Variants in GCLM observed in about 807,000 individuals in gnomAD.
GCLM encodes glutamate--cysteine ligase regulatory subunit.
A neutral mutation model predicts 36.0 loss-of-function variants in GCLM; 15 were observed. The observed-to-expected ratio is 0.42, with a 90% CI of 0.28 to 0.64. GCLM has a LOEUF of 0.64. Among genes scored for constraint, GCLM ranks in the 30% least tolerant of loss-of-function variants. The pLI is 0.25. For synonymous variants in GCLM, 129 were observed against 122.8 expected (o/e 1.05, Z -0.34); for missense variants, 242 against 325.5 (o/e 0.74, Z 1.97).
intron 6 of GCLM, among the ~76,000 whole-genome samples, chr1:93,893,401 T>C (rs1486785006): frequency 6.6e-6 from 1 of 152,178 alleles, no homozygotes; most frequent in Admixed American, 6.5e-5. Flanking sequence ...GATGAAACAG[T>C]GAAGAAATGA....
At position 93,886,468 on chromosome 1, in the gene GCLM, C is replaced by CT. The variant is rs1245113820; in HGVS notation, c.*2521_*2522insA. ...AAGATGTGAACATCAGCCTGGAAAA[C>CT]ATATATAAAGCCTTAAAAATCAGTG... On this transcript the variant is annotated 3_prime_UTR_variant, in exon 7 of 7. Transcript: ENST00000370238. The CT allele has an allele frequency of 2.0e-5, 3 of 151,958 alleles. No individual in the cohort carries two copies. Among genetic ancestry groups the CT allele is most frequent in the Non-Finnish European group, 4.4e-5 (3 of 67,974 alleles). 9.4% of individuals were successfully genotyped at this position (151,958 alleles called of 1,614,324 possible).
chr1:93,902,740 TATA>T (rs1385419482), intron 2 of GCLM, among the ~76,000 whole-genome samples: 1 of 152,188 alleles, frequency 6.6e-6, no homozygotes, highest in East Asian at 1.9e-4. Flanking sequence ...TAGAAAACCA[TATA>T]ATAACATGTA....
chr1:93,895,945 A>G (rs1656712135), intron 5 of GCLM, among the ~76,000 whole-genome samples: 1 of 149,828 alleles, frequency 6.7e-6, no homozygotes, highest in Non-Finnish European at 1.5e-5. Flanking sequence ...TACCTAAAGA[A>G]AAAGAAGGTT....
chr1:93,891,613 TTATCTC>T (rs1259621372), intron 6 of GCLM, among the ~76,000 whole-genome samples: 3 of 152,164 alleles, frequency 2.0e-5, no homozygotes, highest in Admixed American at 1.3e-4. Context: ...ACTTGATCCT[TTATCTC>T]TAGTACCCAG....
At chr1:93,901,002 T>C (rs1412641536) in intron 3 of GCLM, among the ~76,000 whole-genome samples, 1 of 152,202 alleles carries the variant, frequency 6.6e-6, no homozygotes, top group African/African-American at 2.4e-5. Flanking sequence ...ACCCCGAAAC[T>C]TCAAAGCTCA....
chr1:93,894,504 A>C (rs1251559723), intron 6 of GCLM, 110 bp downstream of exon 6: 1 of 649,576 alleles, frequency 1.5e-6, no homozygotes, highest in Non-Finnish European at 2.8e-6. Flanking sequence ...AATAGTTCAG[A>C]TAACACTGTA....
intron 3 of GCLM, among the ~76,000 whole-genome samples, chr1:93,899,230 T>C (rs1048221913): frequency 2.6e-5 from 4 of 151,924 alleles, no homozygotes; most frequent in Admixed American, 6.6e-5. Context: ...TGCGCCACCA[T>C]GCCTGGCTAA....
Position 93,896,701 on chromosome 1 carries a change from A to C in GCLM, c.457T>G (p.Leu153Val), listed in dbSNP as rs1557728664. 5.6e-6 allele frequency: 9 copies of C among 1,613,680 alleles called. No homozygotes were observed. Among genetic ancestry groups the C allele is most frequent in the Non-Finnish European group, 7.6e-6 (9 of 1,179,700 alleles). Residue 153 changes from leucine (L) to valine (V), a missense_variant, in exon 5 of 7, where the codon TTA (leucine) becomes GTA (valine). Transcript: ENST00000370238. ...GCAACAATCTTTTTGCTCTGAACTA[A>C]GTTTTCTAATTCCTCCCAGTAAGGC... The part of the protein sequence containing the change: ...LQPYWEELEN[L>V]VQSKKIVAIG...
At chr1:93,896,841 A>G in intron 4 of GCLM, 21 bp from the exon 5 acceptor site, 1 of 1,367,144 alleles carries the variant, frequency 7.3e-7, no homozygotes, top group Non-Finnish European at 1.0e-6. Flanking sequence ...GGAAGACACA[A>G]AGAAAATAAA....
Position 93,896,626 on chromosome 1 carries a change from A to G in GCLM, c.532T>C (p.Trp178Arg), listed in dbSNP as rs762363248. The change falls in exon 5 of 7, where the codon TGG (tryptophan) becomes CGG (arginine). Residue 178 changes from tryptophan (W) to arginine (R), a missense_variant. Trp to Arg is a moderately radical substitution (Grantham distance 101). Coordinates refer to ENST00000370238, the MANE Select transcript of GCLM (RefSeq NM_002061.4). The part of the protein sequence containing the change: ...DKTQLEQLYQ[W>R]AQVKPNSNQV... ...ATCCTGCCATCCCTCACCTGTGCCCACTGATACAGCTGTTCCAACTGTGTT... is the reference window on the plus strand; with the variant it reads ...ATCCTGCCATCCCTCACCTGTGCCCGCTGATACAGCTGTTCCAACTGTGTT... The G allele has an allele frequency of 6.2e-7, 1 of 1,613,082 alleles. No homozygotes were observed. Among genetic ancestry groups the G allele is most frequent in the Non-Finnish European group, 8.5e-7 (1 of 1,179,020 alleles).
At chr1:93,904,387 G>A (rs993069000) in intron 2 of GCLM, 136 bp downstream of exon 2, 18 of 676,584 alleles carry the variant, frequency 2.7e-5, no homozygotes, top group Admixed American at 1.6e-4. Flanking sequence ...TCAGAGTGCC[G>A]TCTCAGCAAA....
intron 2 of GCLM, among the ~76,000 whole-genome samples, chr1:93,902,224 C>G (rs1193166107): frequency 6.6e-6 from 1 of 152,066 alleles, no homozygotes; most frequent in Non-Finnish European, 1.5e-5. Flanking sequence ...GTCGCCCAGG[C>G]TGGAGTGCAG....
At chr1:93,893,511 T>C (rs1474080927) in intron 6 of GCLM, among the ~76,000 whole-genome samples, 2 of 152,232 alleles carry the variant, frequency 1.3e-5, no homozygotes, top group African/African-American at 4.8e-5. Flanking sequence ...TATTGTGTCA[T>C]CTTTTTAGGT....
intron 2 of GCLM, among the ~76,000 whole-genome samples, chr1:93,903,809 T>C (rs1657048485): frequency 6.6e-6 from 1 of 152,198 alleles, no homozygotes; most frequent in Non-Finnish European, 1.5e-5. Flanking sequence ...TTTCCCATGA[T>C]TCTTGAGCAC....
At chr1:93,896,548 C>G (rs1218545656) in intron 5 of GCLM, 70 bp downstream of exon 5, 10 of 1,240,204 alleles carry the variant, frequency 8.1e-6, no homozygotes, top group Non-Finnish European at 1.2e-5. Flanking sequence ...GCATGATGCT[C>G]AACAGTGTGC....
At chr1:93,906,075 T>C (rs1365279651) in intron 1 of GCLM, among the ~76,000 whole-genome samples, 1 of 152,194 alleles carries the variant, frequency 6.6e-6, no homozygotes, top group Non-Finnish European at 1.5e-5. Flanking sequence ...TGATAAAAAC[T>C]GATACAATCA....
intron 1 of GCLM, among the ~76,000 whole-genome samples, chr1:93,905,228 C>G (rs1371905940): frequency 7.4e-6 from 1 of 134,232 alleles, no homozygotes. Flanking sequence ...GGTTTATAAA[C>G]AAAGGAACTT....
chr1:93,894,955 A>G (rs1656673089), intron 5 of GCLM, among the ~76,000 whole-genome samples: 1 of 150,440 alleles, frequency 6.6e-6, no homozygotes, highest in Non-Finnish European at 1.5e-5. Context: ...CCTTTTCCCT[A>G]TGTAATAGGG....
intron 2 of GCLM, among the ~76,000 whole-genome samples, chr1:93,903,413 T>A (rs1657030405): frequency 6.6e-6 from 1 of 151,628 alleles, no homozygotes; most frequent in Admixed American, 6.6e-5. Flanking sequence ...CAGGTTCAAG[T>A]GATTCTCCTG....
Sources: gnomAD v4.1 joint callset for allele counts (sites outside exome capture counted in the v4.1 genomes callset) on GRCh38, gnomAD v4.1.1 for gene constraint, MANE v1.5 for transcripts, NCBI Gene and HGNC (gene_info 2026-07-23, HGNC 2026-07-21) for gene names.